STAG1: variants seen among roughly 807,000 people sequenced by gnomAD.
STAG1 encodes STAG1 cohesin complex component, also known as cohesin subunit SA-1.
In STAG1, 26 loss-of-function variants were observed where a neutral mutation model predicts 170.9. The ratio of observed to expected loss-of-function variants is 0.15; its 90% CI spans 0.11 to 0.21. The LOEUF (loss-of-function observed/expected upper bound fraction) is 0.21. STAG1 is among the 10% of genes least tolerant of loss of function. The pLI is 1.00. For synonymous variants in STAG1, 514 were observed against 497.7 expected, an observed-to-expected ratio of 1.03 and a Z score of -0.44; for missense variants, 964 against 1,509.5, an observed-to-expected ratio of 0.64 and a Z score of 5.99.
In STAG1 at chr3:136,394,054, C is replaced by T. The variant is rs1051061336; in HGVS notation, c.2277+4695G>A. ...GTAGCTGGGACTACAGGGACATGCC[C>T]ATGCCACCACGCCCAGCAAATTTTT... On this transcript the variant is annotated intron_variant, in intron 22 of 33. Coordinates refer to ENST00000383202, the MANE Select transcript of STAG1 (RefSeq NM_005862.3). Among the ~76,000 whole-genome samples, 13 of 152,176 alleles carry T rather than the reference C, an allele frequency of 8.5e-5. No individual in the cohort carries two copies. In the South Asian group the frequency reaches 2.5e-3, roughly 29 times the overall value.
chr3:136,688,085 G>T (rs1007090338), intron 1 of STAG1, among the ~76,000 whole-genome samples: 1 of 152,130 alleles, frequency 6.6e-6, no homozygotes, highest in African/African-American at 2.4e-5. Context: ...TGGGATGACA[G>T]TATACTACAG....
At chr3:136,712,952 A>T (rs1227916861) in intron 1 of STAG1, among the ~76,000 whole-genome samples, 2 of 152,162 alleles carry the variant, frequency 1.3e-5, no homozygotes, top group African/African-American at 4.8e-5. Flanking sequence ...TTAGCCAGGC[A>T]CAGTGGCGGG....
At chr3:136,662,227 C>T (rs1941607111) in intron 1 of STAG1, among the ~76,000 whole-genome samples, 1 of 151,520 alleles carries the variant, frequency 6.6e-6, no homozygotes, top group African/African-American at 2.4e-5. Flanking sequence ...TCTCAGCTCA[C>T]TGCAGTCTCT....
intron 4 of STAG1, among the ~76,000 whole-genome samples, chr3:136,584,774 T>TA (rs1219678665): frequency 6.6e-6 from 1 of 152,194 alleles, no homozygotes; most frequent in Non-Finnish European, 1.5e-5. Context: ...TTAACTTTCT[T>TA]AATTATGTTT....
chr3:136,668,148 G>T (rs1247408639), intron 1 of STAG1, among the ~76,000 whole-genome samples: 2 of 151,698 alleles, frequency 1.3e-5, no homozygotes, highest in Non-Finnish European at 2.9e-5. Context: ...CACAAGAATT[G>T]CTTGAACCCA....
intron 16 of STAG1, among the ~76,000 whole-genome samples, chr3:136,424,057 T>C (rs2088039161): frequency 6.6e-6 from 1 of 151,988 alleles, no homozygotes; most frequent in Admixed American, 6.6e-5. Flanking sequence ...GAGATGGGGT[T>C]TCACCACGTT....
At chr3:136,597,793 T>TA (rs1576648696) in intron 4 of STAG1, among the ~76,000 whole-genome samples, 1 of 147,190 alleles carries the variant, frequency 6.8e-6, no homozygotes, top group East Asian at 2.0e-4. Context: ...TAGCTCTTCT[T>TA]TTTTTTTTTT....
chr3:136,490,774 G>A (rs1374311302), intron 9 of STAG1, among the ~76,000 whole-genome samples: 1 of 152,042 alleles, frequency 6.6e-6, no homozygotes, highest in African/African-American at 2.4e-5. Flanking sequence ...AACATAAAAG[G>A]ATGAAAAGAC....
chr3:136,410,468 G>A lies in STAG1; in HGVS notation c.2196+7417C>T, dbSNP rs1325607324. On this transcript the variant is annotated intron_variant, in intron 21 of 33. Coordinates refer to ENST00000383202, the MANE Select transcript of STAG1 (RefSeq NM_005862.3). ...AGGATAAAGTGGAAGAGTAGTGCAA[G>A]CTACCACAAACAACACATTAGTAGA... Among the ~76,000 whole-genome samples the A allele has an allele frequency of 2.0e-5, 3 of 152,054 alleles. No homozygotes were observed. In the East Asian group the frequency reaches 5.8e-4, roughly 29 times the overall value.
At chr3:136,389,763 A>G (rs1259424335) in intron 22 of STAG1, among the ~76,000 whole-genome samples, 2 of 149,904 alleles carry the variant, frequency 1.3e-5, no homozygotes, top group African/African-American at 2.5e-5. Context: ...CAGGTGATCC[A>G]CCCATCTTGG....
Position 136,349,061 on chromosome 3 carries a change from T to C in STAG1, c.3271+97A>G, listed in dbSNP as rs1048366765. On this transcript the variant is annotated intron_variant, in intron 29 of 33. Coordinates refer to ENST00000383202, the MANE Select transcript of STAG1 (RefSeq NM_005862.3). ...GTGAATAAAATATACAAGAAAATCATGTGCCTGATACTATTATCTTGCTTC... is the reference window on the plus strand; with the variant it reads ...GTGAATAAAATATACAAGAAAATCACGTGCCTGATACTATTATCTTGCTTC... The C allele has an allele frequency of 4.1e-5, 38 of 917,994 alleles. 1 individual carries two copies. In the Middle Eastern group the frequency reaches 6.9e-4, roughly 17 times the overall value. The allele number at this position is 917,994 out of a possible 1,614,324, so 56.9% of individuals were successfully genotyped here.
chr3:136,430,459 G>T (rs1438085121), intron 16 of STAG1, among the ~76,000 whole-genome samples: 2 of 151,596 alleles, frequency 1.3e-5, no homozygotes, highest in African/African-American at 4.8e-5. Context: ...TCCCTTTTGT[G>T]TTACTCTTGT....
intron 1 of STAG1, among the ~76,000 whole-genome samples, chr3:136,643,930 C>T (rs1940893988): frequency 6.6e-6 from 1 of 152,096 alleles, no homozygotes; most frequent in Non-Finnish European, 1.5e-5. Context: ...GATTCGTAAA[C>T]AATAATTTTC....
At chr3:136,723,978 T>TG (rs1026481906) in intron 1 of STAG1, among the ~76,000 whole-genome samples, 8 of 142,082 alleles carry the variant, frequency 5.6e-5, no homozygotes, top group African/African-American at 1.1e-4. Flanking sequence ...AGGAGGGAGG[T>TG]GGGGGGGTCA....
At chr3:136,566,190 A>C (rs1234163315) in intron 5 of STAG1, among the ~76,000 whole-genome samples, 5 of 152,188 alleles carry the variant, frequency 3.3e-5, no homozygotes, top group Admixed American at 6.5e-5. Flanking sequence ...TGGTATTAGA[A>C]GGTGGGACCT....
At chr3:136,503,737 T>C (rs974105758) in intron 7 of STAG1, among the ~76,000 whole-genome samples, 1 of 152,134 alleles carries the variant, frequency 6.6e-6, no homozygotes, top group Non-Finnish European at 1.5e-5. Flanking sequence ...AATTTCATTA[T>C]TTTTATTTTT....
chr3:136,471,214 A>C lies in STAG1; in HGVS notation c.1205+1199T>G, dbSNP rs547532697. 3.9e-5 allele frequency among the ~76,000 whole-genome samples: 6 copies of C among 152,274 alleles called. No individual in the cohort carries two copies. The South Asian group carries it at 1.2e-3, about 32-fold the overall frequency. ...TAACACACTCCAGCATGAGAAACATAGTAAGAATACTTCTCTTTAAAAAAG... is the reference window on the plus strand; with the variant it reads ...TAACACACTCCAGCATGAGAAACATCGTAAGAATACTTCTCTTTAAAAAAG... On this transcript the variant is annotated intron_variant, in intron 12 of 33. Coordinates refer to ENST00000383202, the MANE Select transcript of STAG1 (RefSeq NM_005862.3).
chr3:136,751,892 G>A (rs1300362071), intron 1 of STAG1, among the ~76,000 whole-genome samples: 2 of 150,842 alleles, frequency 1.3e-5, no homozygotes, highest in African/African-American at 4.8e-5. Context: ...GCCCGGGCGG[G>A]CGGGGGCAAA....
At position 136,666,031 on chromosome 3, in the gene STAG1, C is replaced by T. The variant is rs373906065; in HGVS notation, c.-83-35050G>A. On this transcript the variant is annotated intron_variant, in intron 1 of 33. Coordinates refer to ENST00000383202, the MANE Select transcript of STAG1 (RefSeq NM_005862.3). ...CAGAGCTTGCAGTGCGCCGAGATTGCGCCACTGCACTCCAGCCTGGGCGAT... is the reference window on the plus strand; with the variant it reads ...CAGAGCTTGCAGTGCGCCGAGATTGTGCCACTGCACTCCAGCCTGGGCGAT... Among the ~76,000 whole-genome samples the T allele has an allele frequency of 3.0e-4, 38 of 127,796 alleles. 1 individual carries two copies. Among genetic ancestry groups the T allele is most frequent in the African/African-American group, 1.1e-3 (37 of 34,434 alleles). The allele number at this position is 127,796 out of a possible 152,430, so 83.8% of individuals were successfully genotyped here.
Sources: allele counts gnomAD v4.1 joint callset (sites outside exome capture counted in the v4.1 genomes callset), GRCh38; gene constraint gnomAD v4.1.1; transcripts MANE v1.5; gene names NCBI Gene and HGNC (gene_info 2026-07-23, HGNC 2026-07-21).